The following SCN11A variants were observed in gnomAD, a reference collection of about 807,000 sequenced individuals.
The protein encoded by SCN11A is sodium channel protein type 11 subunit alpha.
In SCN11A, 122 loss-of-function variants were observed where a neutral mutation model predicts 162.2. That is an observed-to-expected ratio of 0.75 (90% CI 0.65 to 0.87). The LOEUF (loss-of-function observed/expected upper bound fraction) is 0.87. Ranked by LOEUF, SCN11A falls within the 40% of genes least tolerant of loss-of-function variation. The pLI is 0.00. For synonymous variants in SCN11A, 758 were observed against 751.5 expected (o/e 1.01, Z -0.14); for missense variants, 2,015 against 2,181.6 (o/e 0.92, Z 1.52).
Position 38,896,997 on chromosome 3 carries a change from T to C in SCN11A, c.2251A>G (p.Met751Val). ...AGGAAGGAGTGCCAGAAATCCCCCATGTGCCAGTGCCGTAAACATGAGACT... is the reference window on the plus strand; with the variant it reads ...AGGAAGGAGTGCCAGAAATCCCCCACGTGCCAGTGCCGTAAACATGAGACT... ...PTVSCLRHWH[M>V]GDFWHSFLVV... The change falls in exon 18 of 30, where the codon ATG (methionine) becomes GTG (valine). Residue 751 changes from methionine to valine, a missense_variant. Transcript: ENST00000302328. The C allele has an allele frequency of 6.2e-7, 1 of 1,614,104 alleles. No individual in the cohort carries two copies. The highest frequency in any genetic ancestry group is 8.5e-7 in the Non-Finnish European group (1 of 1,180,004).
chr3:39,021,690 T>C (rs962022433), intron 2 of SCN11A, among the ~76,000 whole-genome samples: 4 of 152,148 alleles, frequency 2.6e-5, no homozygotes, highest in Non-Finnish European at 5.9e-5. Context: ...CAATGGGCCT[T>C]TTCCAGAACA....
At chr3:38,938,536 ATATATATATATATATTTTTTTTTTTTT>A (rs1462715735) in intron 7 of SCN11A, among the ~76,000 whole-genome samples, 2 of 23,546 alleles carry the variant, frequency 8.5e-5, no homozygotes, top group African/African-American at 3.2e-4. Flanking sequence ...ATATATATAT[ATATATATATATATATTTTTTTTTTTTT>A]TTTTTTTTTT....
At chr3:38,942,690 G>A (rs1185350738) in intron 7 of SCN11A, among the ~76,000 whole-genome samples, 1 of 152,142 alleles carries the variant, frequency 6.6e-6, no homozygotes, top group Admixed American at 6.5e-5. Context: ...TCTGTGGAAT[G>A]CAGCTAAAGC....
At chr3:39,023,614 T>C (rs527922640) in intron 2 of SCN11A, among the ~76,000 whole-genome samples, 2 of 151,538 alleles carry the variant, frequency 1.3e-5, no homozygotes, top group African/African-American at 4.8e-5. Flanking sequence ...TGATGAAAAA[T>C]AGACTTGCCT....
At chr3:38,938,509 C>CATATATATATATACATACATAT (rs2066374489) in intron 7 of SCN11A, among the ~76,000 whole-genome samples, 2 of 35,526 alleles carry the variant, frequency 5.6e-5, no homozygotes, top group African/African-American at 1.8e-4. Flanking sequence ...GGAAAAATAT[C>CATATATATATATACATACATAT]ATATATATAT....
At chr3:38,885,439 C>A (rs112874144) in intron 20 of SCN11A, 37 bp from the exon 21 acceptor site, 1 of 1,113,214 alleles carries the variant, frequency 9.0e-7, no homozygotes, top group East Asian at 2.4e-5. Flanking sequence ...GTGCCTTTTA[C>A]TAAGACCTTC....
chr3:39,042,276 AC>A (rs1559583772), intron 1 of SCN11A, among the ~76,000 whole-genome samples: 1 of 152,126 alleles, frequency 6.6e-6, no homozygotes, highest in Non-Finnish European at 1.5e-5. Flanking sequence ...CTCCAAAAAA[AC>A]CCAAACAAAC....
In SCN11A at chr3:38,861,167, T is replaced by C. The variant is rs187965759; in HGVS notation, c.4056+2028A>G. Among the ~76,000 whole-genome samples the C allele has an allele frequency of 3.3e-3, 504 of 151,946 alleles. 2 individuals carry two copies. The highest frequency in any genetic ancestry group is 8.6e-3 in the Admixed American group (131 of 15,244). ...CAGCTGCAGAAAAAAATAAAATACT[T>C]AGAAATATACCCAACCAAGGAGATG... On this transcript the variant is annotated intron_variant, in intron 28 of 29. Coordinates refer to ENST00000302328, the MANE Select transcript of SCN11A (RefSeq NM_001349253.2).
At chr3:39,011,792 C>T (rs2031145489) in intron 2 of SCN11A, among the ~76,000 whole-genome samples, 1 of 152,094 alleles carries the variant, frequency 6.6e-6, no homozygotes, top group South Asian at 2.1e-4. Context: ...CTGTCTCATC[C>T]TAACCAAGTC....
At chr3:38,991,181 A>G (rs6796002) in intron 2 of SCN11A, among the ~76,000 whole-genome samples, 15,871 of 152,246 alleles carry the variant, frequency 0.1, 877 homozygotes, top group Admixed American at 0.14. Context: ...TTTTACAACT[A>G]AATATTGTTT....
chr3:38,928,720 A>G (rs2066182772), intron 7 of SCN11A, among the ~76,000 whole-genome samples: 1 of 152,202 alleles, frequency 6.6e-6, no homozygotes, highest in Admixed American at 6.5e-5. Flanking sequence ...AATGCAAACC[A>G]AAACCACAAA....
At chr3:38,925,217 C>T (rs1169692228) in intron 9 of SCN11A, among the ~76,000 whole-genome samples, 198 bp downstream of exon 9, 1 of 151,388 alleles carries the variant, frequency 6.6e-6, no homozygotes, top group African/African-American at 2.4e-5. Flanking sequence ...TATCCATTTG[C>T]TTACTACTAG....
chr3:38,924,283 C>A (rs1326572885), intron 9 of SCN11A, among the ~76,000 whole-genome samples: 1 of 152,016 alleles, frequency 6.6e-6, no homozygotes, highest in East Asian at 1.9e-4. Flanking sequence ...TGGCTCACTG[C>A]AGCCTGCAGC....
chr3:38,852,406 G>T (rs1486614668), intron 28 of SCN11A, among the ~76,000 whole-genome samples: 4 of 152,004 alleles, frequency 2.6e-5, no homozygotes, highest in African/African-American at 9.7e-5. Context: ...GGGAGGGTGA[G>T]TATTGGTTTT....
chr3:38,926,556 A>C (rs546515225), intron 8 of SCN11A, among the ~76,000 whole-genome samples: 1 of 151,116 alleles, frequency 6.6e-6, no homozygotes, highest in African/African-American at 2.4e-5. Context: ...ATAACAGGCC[A>C]GTGTTGGTGA....
rs2032048750 is a variant in SCN11A at position 39,041,518 on chromosome 3, A to G, written c.-403-9015T>C. ...AGACTAACAGCATTTTTCTCAGCAG[A>G]AACCTTACAGGCCGGGAGAGAATGG... On this transcript the variant is annotated intron_variant, in intron 1 of 29. Transcript: ENST00000302328. Among the ~76,000 whole-genome samples, 4 of 152,260 alleles carry G rather than the reference A, an allele frequency of 2.6e-5. No homozygotes were observed. The South Asian group carries it at 8.3e-4, about 31-fold the overall frequency.
intron 1 of SCN11A, among the ~76,000 whole-genome samples, chr3:39,035,784 C>A (rs2031890557): frequency 6.6e-6 from 1 of 152,072 alleles, no homozygotes; most frequent in Admixed American, 6.5e-5. Context: ...GGACTACAGG[C>A]ACCCGCCACC....
At chr3:38,928,392 G>A (rs898983343) in intron 7 of SCN11A, among the ~76,000 whole-genome samples, 1 of 152,072 alleles carries the variant, frequency 6.6e-6, no homozygotes, top group African/African-American at 2.4e-5. Context: ...GCAAGGGGAG[G>A]GAGAGGATTA....
At chr3:38,908,664 A>G (rs1197142593) in intron 13 of SCN11A, among the ~76,000 whole-genome samples, 1 of 152,106 alleles carries the variant, frequency 6.6e-6, no homozygotes, top group Non-Finnish European at 1.5e-5. Flanking sequence ...AGATTTCCAA[A>G]AGAAAGCCTG....
Sources: allele counts gnomAD v4.1 joint callset (sites outside exome capture counted in the v4.1 genomes callset), GRCh38; gene constraint gnomAD v4.1.1; transcripts MANE v1.5; gene names NCBI Gene and HGNC (gene_info 2026-07-23, HGNC 2026-07-21).